The following SYDE2 variants were observed in gnomAD, a reference collection of about 807,000 sequenced individuals.
SYDE2 encodes synapse defective Rho GTPase homolog 2.
A neutral mutation model predicts 91.5 loss-of-function variants in SYDE2; 76 were observed. That is an observed-to-expected ratio of 0.83 (90% confidence interval 0.69 to 1.01). SYDE2 has a LOEUF of 1.01. Ranked by LOEUF, SYDE2 falls within the 50% of genes least tolerant of loss-of-function variation. The pLI is 0.00. For missense variants in SYDE2, 1,364 were observed against 1,367.7 expected, an observed-to-expected ratio of 1.00 and a Z score of 0.04; for synonymous variants, 513 against 506.4, an observed-to-expected ratio of 1.01 and a Z score of -0.18.
intron 2 of SYDE2, among the ~76,000 whole-genome samples, chr1:85,189,088 G>A (rs7546546): frequency 1.4e-3 from 219 of 152,162 alleles, no homozygotes; most frequent in African/African-American, 5.2e-3. Context: ...GGCAATTTTT[G>A]TACATCAAAA....
At chr1:85,170,635 G>A (rs1657468086) in intron 4 of SYDE2, among the ~76,000 whole-genome samples, 1 of 152,124 alleles carries the variant, frequency 6.6e-6, no homozygotes, top group African/African-American at 2.4e-5. Context: ...TACACATAAT[G>A]CAAATATTCC....
chr1:85,190,520 T>C lies in SYDE2; in HGVS notation c.978A>G (p.Leu326=). The change falls in exon 2 of 7, where the codon CTA becomes CTG. Residue 326 remains leucine (L), a synonymous_variant. Transcript: ENST00000341460. The part of the protein sequence containing the change: ...ISPVSLPKHQ[L]SQSFLKSSKE... Reference sequence around the variant, plus strand: ...TAGATGATTTGAGGAAAGACTGTGATAGCTGATGTTTAGGTAGAGACACAG... The same window carrying C: ...TAGATGATTTGAGGAAAGACTGTGACAGCTGATGTTTAGGTAGAGACACAG... The C allele has an allele frequency of 6.2e-7, 1 of 1,614,014 alleles. No individual in the cohort carries two copies. The highest frequency in any genetic ancestry group is 8.5e-7 in the Non-Finnish European group (1 of 1,179,874).
Position 85,200,682 on chromosome 1 carries a change from G to C in SYDE2, c.315C>G (p.Asp105Glu). The change falls in exon 1 of 7, where the codon GAC becomes GAG. Residue 105 changes from aspartate (D) to glutamate (E), a missense_variant. By Grantham distance (45) the Asp-to-Glu change is conservative. Transcript: ENST00000341460. The part of the protein sequence containing the change: ...KPPPFQRWPS[D>E]SWIRCGAHRD... ...GGTGCGCGCCGCACCTGATCCAGCTGTCGCTCGGCCACCGCTGGAAGGGAG... is the reference window on the plus strand; with the variant it reads ...GGTGCGCGCCGCACCTGATCCAGCTCTCGCTCGGCCACCGCTGGAAGGGAG... The C allele has an allele frequency of 2.0e-6, 3 of 1,537,330 alleles. No individual in the cohort carries two copies. Among genetic ancestry groups the C allele is most frequent in the Non-Finnish European group, 2.6e-6 (3 of 1,147,016 alleles).
At chr1:85,162,014 A>G (rs1465490696) in intron 6 of SYDE2, among the ~76,000 whole-genome samples, 1 of 152,200 alleles carries the variant, frequency 6.6e-6, no homozygotes, top group Non-Finnish European at 1.5e-5. Context: ...CCTAGAGCTT[A>G]GTAGAAGACA....
chr1:85,167,735 A>G (rs922883600), intron 5 of SYDE2, among the ~76,000 whole-genome samples: 4 of 152,250 alleles, frequency 2.6e-5, no homozygotes, highest in African/African-American at 9.6e-5. Flanking sequence ...GTGATAGACT[A>G]TTTAATATTC....
intron 3 of SYDE2, chr1:85,181,760 C>T: frequency 5.7e-6 from 1 of 176,080 alleles, no homozygotes; most frequent in Non-Finnish European, 1.2e-5. Context: ...ATATGTATCA[C>T]AAAAATTAGT....
rs1386524969 is a variant in SYDE2, at chr1:85,182,854, G to C, written c.1788C>G (p.Thr596=). ...GGTAGCTCTGCTGGGAGGATACACT[G>C]GTATCAAGATGGTATCGGCTTATAA... ...RNVISRYHLD[T]SVSSQQSYQK... The change falls in exon 3 of 7, where the codon ACC becomes ACG. Residue 596 remains threonine, a synonymous_variant. Transcript: ENST00000341460. The C allele has an allele frequency of 6.2e-7, 1 of 1,613,720 alleles. No individual in the cohort carries two copies. The highest frequency in any genetic ancestry group is 1.3e-5 in the African/African-American group (1 of 75,026).
intron 4 of SYDE2, among the ~76,000 whole-genome samples, chr1:85,174,895 G>C (rs1396354558): frequency 2.0e-5 from 3 of 152,162 alleles, no homozygotes. Flanking sequence ...TGTATGGTAA[G>C]AAAATGTATA....
chr1:85,189,547 A>C (rs1290090619), intron 2 of SYDE2, among the ~76,000 whole-genome samples: 1 of 152,246 alleles, frequency 6.6e-6, no homozygotes, highest in African/African-American at 2.4e-5. Context: ...TATAAAGTCA[A>C]GTCTGTGGCC....
rs575228527 is a variant in SYDE2, at chr1:85,159,099, C to T, written c.3236G>A (p.Arg1079Gln). The T allele has an allele frequency of 5.1e-6, 4 of 780,832 alleles. No individual in the cohort carries two copies. Among genetic ancestry groups the T allele is most frequent in the East Asian group, 2.4e-5 (1 of 41,244 alleles). The allele number at this position is 780,832 out of a possible 1,614,324, so 48.4% of individuals were successfully genotyped here. A position where few individuals can be genotyped will look rare whatever the true frequency, so the allele number is the denominator to read the frequency against. Residue 1079 changes from arginine to glutamine, a missense_variant, in exon 7 of 7, where the codon CGA (arginine) becomes CAA (glutamine). By Grantham distance (43) the Arg-to-Gln change is conservative. Transcript: ENST00000341460. Reference sequence around the variant, plus strand: ...ACGATTGCTAAGTGGACTGTCTAATCGGTTTTGCCTTGGCCTAAGTACTCC... The same window carrying T: ...ACGATTGCTAAGTGGACTGTCTAATTGGTTTTGCCTTGGCCTAAGTACTCC... Reference protein sequence around the residue: ...SSGVLRPRQNRLDSPLSNRYA... With the variant: ...SSGVLRPRQNQLDSPLSNRYA...
At chr1:85,189,776 G>A (rs1042863801) in intron 2 of SYDE2, among the ~76,000 whole-genome samples, 1 of 152,132 alleles carries the variant, frequency 6.6e-6, no homozygotes, top group African/African-American at 2.4e-5. Context: ...TCAAGGCTGC[G>A]GTGCGCCATG....
At chr1:85,195,335 A>G (rs1006854131) in intron 1 of SYDE2, among the ~76,000 whole-genome samples, 9 of 152,202 alleles carry the variant, frequency 5.9e-5, no homozygotes, top group African/African-American at 1.7e-4. Flanking sequence ...ACATTTTAAT[A>G]TTTATTAAAA....
At position 85,164,637 on chromosome 1, in the gene SYDE2, C is replaced by T. The variant is rs761917224; in HGVS notation, c.2974G>A (p.Glu992Lys). 2 of 1,600,126 alleles carry T rather than the reference C, an allele frequency of 1.2e-6. No homozygotes were observed. Among genetic ancestry groups the T allele is most frequent in the Non-Finnish European group, 1.7e-6 (2 of 1,172,560 alleles). Residue 992 changes from glutamate to lysine, a missense_variant, in exon 6 of 7, where the codon GAG becomes AAG. Glu to Lys is a moderately conservative substitution (Grantham distance 56). Transcript: ENST00000341460. ...ACTCTGTTGTTATGGGTGGAAGGCTCTTGCCTCTGACTTAATAATACTGGT... is the reference window on the plus strand; with the variant it reads ...ACTCTGTTGTTATGGGTGGAAGGCTTTTGCCTCTGACTTAATAATACTGGT... ...FGPVLLSQRQ[E>K]PSTHNNRVFT... is the part of the protein sequence containing the mutation.
rs534474157 is a variant in SYDE2, at chr1:85,191,757, C to CAA, written c.746-1007_746-1006dup. ...TGGGTAACAGAGCGAGATTCCGTCT[C>CAA]AAAAAAAAAAAAAAAAAATTAATAG... On this transcript the variant is annotated intron_variant, in intron 1 of 6. Transcript: ENST00000341460. Among the ~76,000 whole-genome samples the CAA allele has an allele frequency of 7.7e-4, 72 of 93,410 alleles. 1 individual carries two copies. Among genetic ancestry groups the CAA allele is most frequent in the Middle Eastern group, 6.2e-3 (1 of 162 alleles). The allele number at this position is 93,410 out of a possible 152,430, so 61.3% of individuals were successfully genotyped here. A position where few individuals can be genotyped will look rare whatever the true frequency, so the allele number is the denominator to read the frequency against.
At chr1:85,177,489 C>T (rs1657745110) in intron 4 of SYDE2, among the ~76,000 whole-genome samples, 1 of 152,140 alleles carries the variant, frequency 6.6e-6, no homozygotes, top group African/African-American at 2.4e-5. Context: ...CTGAAGCTCT[C>T]TTTTTCTGCT....
At chr1:85,175,962 T>C (rs1227216241) in intron 4 of SYDE2, among the ~76,000 whole-genome samples, 1 of 152,200 alleles carries the variant, frequency 6.6e-6, no homozygotes, top group Non-Finnish European at 1.5e-5. Context: ...ACAGAAACTC[T>C]CAATTTTAGG....
chr1:85,173,061 CA>C (rs1323784800), intron 4 of SYDE2, among the ~76,000 whole-genome samples: 1 of 152,066 alleles, frequency 6.6e-6, no homozygotes, highest in Non-Finnish European at 1.5e-5. Flanking sequence ...CACCCCCAAC[CA>C]AAAATAAAAC....
chr1:85,200,925 C>T lies in SYDE2; in HGVS notation c.72G>A (p.Ala24=). The change falls in exon 1 of 7, where the codon GCG becomes GCA. Residue 24 remains alanine (A), a synonymous_variant. Coordinates refer to ENST00000341460, the MANE Select transcript of SYDE2 (RefSeq NM_032184.2). ...GRGLADHSFP[A]GARAPGQPPS... ...GCGGCTGGCCCGGAGCCCGGGCTCC[C>T]GCGGGGAAGCTGTGATCCGCCAAGC... 7.6e-7 allele frequency: 1 copy of T among 1,320,090 alleles called. No homozygotes were observed. Among genetic ancestry groups the T allele is most frequent in the Non-Finnish European group, 9.6e-7 (1 of 1,044,254 alleles). 81.8% of individuals were successfully genotyped at this position (1,320,090 alleles called of 1,614,324 possible).
chr1:85,169,246 A>G (rs773371024), intron 4 of SYDE2, 21 bp from the exon 5 acceptor site: 7 of 1,592,888 alleles, frequency 4.4e-6, no homozygotes, highest in South Asian at 1.1e-5. Flanking sequence ...CAAACCGCAG[A>G]CAGTTGGTGA....
Sources: allele counts gnomAD v4.1 joint callset (sites outside exome capture counted in the v4.1 genomes callset), GRCh38; gene constraint gnomAD v4.1.1; transcripts MANE v1.5; gene names NCBI Gene and HGNC (gene_info 2026-07-23, HGNC 2026-07-21).